The following ATP6V1B2 variants were observed in gnomAD, a reference collection of about 807,000 sequenced individuals.
ATP6V1B2 encodes the protein ATPase H+ transporting V1 subunit B2.
ATP6V1B2 carries 23 observed loss-of-function variants against 66.7 expected under a neutral mutation model. The ratio of observed to expected loss-of-function variants is 0.34; its 90% CI spans 0.25 to 0.49. The LOEUF (loss-of-function observed/expected upper bound fraction) is 0.49, where lower values mean the gene tolerates loss of function less well. ATP6V1B2 is among the 20% of genes least tolerant of loss of function. ATP6V1B2 has a pLI of 0.99. For synonymous variants in ATP6V1B2, 278 were observed against 236.7 expected (o/e 1.17, Z -1.60); for missense variants, 478 against 650.8 (o/e 0.73, Z 2.89).
chr8:20,213,932 CTA>C, intron 9 of ATP6V1B2: 1 of 152,170 alleles, frequency 6.6e-6, no homozygotes, highest in Non-Finnish European at 1.5e-5. Flanking sequence ...GAAATTTTAA[CTA>C]TATATATAAT....
Position 20,217,400 on chromosome 8 carries a change from C to G in ATP6V1B2, c.1266+76C>G, listed in dbSNP as rs113415833. 5.8e-4 allele frequency: 733 copies of G among 1,270,106 alleles called. 3 individuals are homozygous for G. In the African/African-American group the frequency reaches 9.7e-3, roughly 17 times the overall value. 78.7% of individuals were successfully genotyped at this position (1,270,106 alleles called of 1,614,324 possible). A position where few individuals can be genotyped will look rare whatever the true frequency, so the allele number is the denominator to read the frequency against. Reference sequence around the variant, plus strand: ...CTGTCTTACACCTCTTGTCTTTCACCCTTACCACTTCTCTCTTCCCCATCC... The same window carrying G: ...CTGTCTTACACCTCTTGTCTTTCACGCTTACCACTTCTCTCTTCCCCATCC... On this transcript the variant is annotated intron_variant, in intron 12 of 13. Transcript: ENST00000276390.
chr8:20,214,779 A>C, intron 9 of ATP6V1B2, 39 bp from the exon 10 acceptor site: 1 of 1,553,776 alleles, frequency 6.4e-7, no homozygotes. Flanking sequence ...GCTTGTTGTA[A>C]TATCGTGCAT....
At position 20,212,093 on chromosome 8, in the gene ATP6V1B2, G is replaced by A. The variant is rs1483980927; in HGVS notation, c.706-9G>A. 6.2e-7 allele frequency: 1 copy of A among 1,610,836 alleles called. No individual in the cohort carries two copies. Among genetic ancestry groups the A allele is most frequent in the Non-Finnish European group, 8.5e-7 (1 of 1,177,456 alleles). ...TTCTCCCAGCACTGATGAAGTTATT[G>A]TTATTTAGGTAAACATGGAAACTGC... On this transcript the variant is annotated splice_polypyrimidine_tract_variant and intron_variant, in intron 7 of 13. Coordinates refer to ENST00000276390, the MANE Select transcript of ATP6V1B2 (RefSeq NM_001693.4).
intron 2 of ATP6V1B2, among the ~76,000 whole-genome samples, chr8:20,208,060 C>T (rs894793294): frequency 6.6e-6 from 1 of 152,046 alleles, no homozygotes; most frequent in African/African-American, 2.4e-5. Flanking sequence ...CATAGATTGG[C>T]AAAGATGGAG....
intron 1 of ATP6V1B2, among the ~76,000 whole-genome samples, chr8:20,202,978 G>A (rs1233688786): frequency 2.0e-5 from 3 of 152,160 alleles, no homozygotes; most frequent in African/African-American, 7.2e-5. Flanking sequence ...AAAAAATGCT[G>A]GGAGTCTTTA....
chr8:20,205,538 T>C (rs1389229596), intron 2 of ATP6V1B2, among the ~76,000 whole-genome samples: 1 of 152,200 alleles, frequency 6.6e-6, no homozygotes, highest in Non-Finnish European at 1.5e-5. Context: ...TTTCATTGAA[T>C]GTTACATTGG....
chr8:20,211,544 T>C (rs570175133), intron 6 of ATP6V1B2, 108 bp from the exon 7 acceptor site: 96 of 1,327,552 alleles, frequency 7.2e-5, no homozygotes, highest in Admixed American at 2.9e-4. Flanking sequence ...CCCTAAAACA[T>C]CCTGGTTTCG....
chr8:20,205,927 C>A (rs2072734057), intron 2 of ATP6V1B2, among the ~76,000 whole-genome samples: 1 of 152,050 alleles, frequency 6.6e-6, no homozygotes, highest in Admixed American at 6.6e-5. Flanking sequence ...ATTAGAAAAT[C>A]TAACAATGTA....
chr8:20,204,179 C>G (rs1436101075), intron 1 of ATP6V1B2: 1 of 394,362 alleles, frequency 2.5e-6, no homozygotes. Flanking sequence ...TCCACCCCCT[C>G]GCATAAGACT....
intron 3 of ATP6V1B2, 70 bp from the exon 4 acceptor site, chr8:20,210,276 G>A: frequency 7.5e-7 from 1 of 1,333,118 alleles, no homozygotes; most frequent in Non-Finnish European, 1.1e-6. Context: ...CTGTTTAACA[G>A]ACAAATAAAA....
intron 1 of ATP6V1B2, chr8:20,204,070 C>T (rs904199481): frequency 1.3e-5 from 6 of 449,640 alleles, no homozygotes; most frequent in Non-Finnish European, 2.7e-5. Context: ...AAAGTTTTTA[C>T]TTTTCTCCCT....
chr8:20,207,513 A>G (rs1234774833), intron 2 of ATP6V1B2, among the ~76,000 whole-genome samples: 10 of 152,152 alleles, frequency 6.6e-5, no homozygotes, highest in Admixed American at 5.2e-4. Context: ...TGGCACATGT[A>G]TACATATGTA....
In ATP6V1B2 at chr8:20,209,642, A is replaced by G. The variant is rs2072773387; in HGVS notation, c.291+111A>G. On this transcript the variant is annotated intron_variant, in intron 3 of 13. Transcript: ENST00000276390. ...ATAAGTGTTTTTAGAGTCTTTAGAG[A>G]TTGGTTACCGGCTGCAGGGAAAGAA... The G allele has an allele frequency of 2.9e-6, 3 of 1,036,114 alleles. No homozygotes were observed. In the Admixed American group the frequency reaches 6.7e-5, roughly 23 times the overall value. 64.2% of individuals were successfully genotyped at this position (1,036,114 alleles called of 1,614,324 possible).
chr8:20,211,803 G>T (rs375143864), intron 7 of ATP6V1B2, 50 bp downstream of exon 7: 4 of 1,415,556 alleles, frequency 2.8e-6, no homozygotes, highest in African/African-American at 2.9e-5. Context: ...TGCTTGTGTC[G>T]TGAGAACATT....
Position 20,218,146 on chromosome 8 carries a change from T to C in ATP6V1B2, c.1267-7T>C. The C allele has an allele frequency of 6.2e-7, 1 of 1,611,578 alleles. No individual in the cohort carries two copies. The highest frequency in any genetic ancestry group is 8.5e-7 in the Non-Finnish European group (1 of 1,178,786). On this transcript the variant is annotated splice_polypyrimidine_tract_variant and splice_region_variant and intron_variant, in intron 12 of 13. Transcript: ENST00000276390. ...TCTCTGCTGATGGGTGCCTTTCTTC[T>C]CTTTAGTATGCGTGCTATGCTATTG...
At chr8:20,218,072 A>C (rs2072872531) in intron 12 of ATP6V1B2, 81 bp from the exon 13 acceptor site, 2 of 1,523,304 alleles carry the variant, frequency 1.3e-6, no homozygotes, top group African/African-American at 1.4e-5. Flanking sequence ...GAGGAGAACT[A>C]GAGCAGTACA....
rs2072904698 is a variant in ATP6V1B2 at position 20,221,321 on chromosome 8, A to G, written c.*919A>G. 1 of 152,254 alleles carries G rather than the reference A, an allele frequency of 6.6e-6. No homozygotes were observed. Among genetic ancestry groups the G allele is most frequent in the African/African-American group, 2.4e-5 (1 of 41,458 alleles). 9.4% of individuals were successfully genotyped at this position (152,254 alleles called of 1,614,324 possible). A position where few individuals can be genotyped will look rare whatever the true frequency, so the allele number is the denominator to read the frequency against. On this transcript the variant is annotated 3_prime_UTR_variant, in exon 14 of 14. Transcript: ENST00000276390. ...ACGGATATTTTAAACTCTGTTAGAG[A>G]GCAGCCTTTGAAAATCCCCAATTTG...
intron 1 of ATP6V1B2, among the ~76,000 whole-genome samples, chr8:20,202,014 TC>T (rs2072692764): frequency 6.6e-6 from 1 of 152,154 alleles, no homozygotes; most frequent in Non-Finnish European, 1.5e-5. Context: ...AATGGATTCA[TC>T]CATTCATAAG....
chr8:20,203,270 A>G (rs1269944630), intron 1 of ATP6V1B2, among the ~76,000 whole-genome samples: 1 of 152,190 alleles, frequency 6.6e-6, no homozygotes, highest in Non-Finnish European at 1.5e-5. Context: ...CAAATATGTG[A>G]TGTCTGGATT....
Sources: gnomAD v4.1 joint callset for allele counts (sites outside exome capture counted in the v4.1 genomes callset) on GRCh38, gnomAD v4.1.1 for gene constraint, MANE v1.5 for transcripts, NCBI Gene and HGNC (gene_info 2026-07-23, HGNC 2026-07-21) for gene names.